Variants in PM20D2 observed in about 807,000 individuals in gnomAD.
The protein encoded by PM20D2 is xaa-Arg dipeptidase.
In PM20D2, 33 loss-of-function variants were observed where a neutral mutation model predicts 42.9. That is an observed-to-expected ratio of 0.77 (90% CI 0.58 to 1.03). The LOEUF is 1.03. Ranked by LOEUF, PM20D2 falls within the 50% of genes least tolerant of loss-of-function variation. The pLI is 0.00. For synonymous variants in PM20D2, 250 were observed against 228.2 expected, an observed-to-expected ratio of 1.10 and a Z score of -0.86; for missense variants, 548 against 557.0, an observed-to-expected ratio of 0.98 and a Z score of 0.16.
the PM20D2 span, among the ~76,000 whole-genome samples, chr6:89,094,826 T>C: frequency 3.4e-5 from 5 of 145,338 alleles, no homozygotes; most frequent in Admixed American, 3.6e-4. Context: ...ATGGGGCAAA[T>C]ATATCATTTT....
chr6:89,153,218 G>A (rs1466163389), intron 3 of PM20D2, 33 bp downstream of exon 3: 1 of 1,517,984 alleles, frequency 6.6e-7, no homozygotes, highest in African/African-American at 1.4e-5. Flanking sequence ...ATAATAGATG[G>A]TGCTTGCTAT....
At chr6:89,147,044 C>A (rs1037772355) in intron 1 of PM20D2, among the ~76,000 whole-genome samples, 2 of 152,078 alleles carry the variant, frequency 1.3e-5, no homozygotes, top group African/African-American at 2.4e-5. Flanking sequence ...CCAAATAAAT[C>A]TTTTGTTTGT....
the PM20D2 span, among the ~76,000 whole-genome samples, chr6:89,099,763 G>A: frequency 1.3e-5 from 2 of 151,982 alleles, no homozygotes; most frequent in African/African-American, 2.4e-5. Context: ...TCAATCTCCC[G>A]ACCTCAGGTT....
upstream of PM20D2, among the ~76,000 whole-genome samples, chr6:89,142,101 C>T (rs1258447098): frequency 6.6e-6 from 1 of 152,088 alleles, no homozygotes; most frequent in East Asian, 1.9e-4. Context: ...GGATTACAGG[C>T]ATGAGCCACC....
At chr6:89,107,271 A>G in the PM20D2 span, 1 of 1,601,842 alleles carries the variant, frequency 6.2e-7, no homozygotes, top group Admixed American at 1.7e-5. Context: ...GAAGTGTTTT[A>G]GAAATAAGGC....
the PM20D2 span, chr6:89,107,257 G>T: frequency 6.2e-7 from 1 of 1,610,956 alleles, no homozygotes; most frequent in Middle Eastern, 1.7e-4. Flanking sequence ...AAGTCCTCAG[G>T]CCTGAAGTGT....
upstream of PM20D2, among the ~76,000 whole-genome samples, chr6:89,141,527 A>G (rs185070309): frequency 1.6e-3 from 236 of 152,092 alleles, no homozygotes; most frequent in African/African-American, 5.3e-3. Context: ...CCCAACACCC[A>G]GCTAATTGTT....
the PM20D2 span, among the ~76,000 whole-genome samples, chr6:89,138,199 A>G: frequency 6.6e-6 from 1 of 152,024 alleles, no homozygotes; most frequent in African/African-American, 2.4e-5. Flanking sequence ...TGTTGGGAGT[A>G]CAGGCATGAG....
chr6:89,113,630 A>C, the PM20D2 span, among the ~76,000 whole-genome samples: 2 of 152,132 alleles, frequency 1.3e-5, no homozygotes, highest in Non-Finnish European at 2.9e-5. Flanking sequence ...GTTTATAAGC[A>C]TACTAAATGT....
chr6:89,119,361 C>T, the PM20D2 span, among the ~76,000 whole-genome samples: 1 of 152,122 alleles, frequency 6.6e-6, no homozygotes, highest in South Asian at 2.1e-4. Context: ...ACTTATGTTC[C>T]CTGAACAAGT....
chr6:89,100,154 T>C, the PM20D2 span, among the ~76,000 whole-genome samples: 1 of 152,160 alleles, frequency 6.6e-6, no homozygotes, highest in Non-Finnish European at 1.5e-5. Context: ...TCACTGGCCA[T>C]CTTCTAAGTT....
chr6:89,127,813 C>A, the PM20D2 span, among the ~76,000 whole-genome samples: 1 of 152,142 alleles, frequency 6.6e-6, no homozygotes, highest in Non-Finnish European at 1.5e-5. Flanking sequence ...CAGGGACCCC[C>A]AAATGGAGGG....
the PM20D2 span, among the ~76,000 whole-genome samples, chr6:89,136,465 C>G: frequency 6.6e-6 from 1 of 150,868 alleles, no homozygotes; most frequent in Non-Finnish European, 1.5e-5. Flanking sequence ...ATCACAAGGT[C>G]AGGAGATCGA....
chr6:89,158,438 T>TA lies in PM20D2; in HGVS notation c.1027dup (p.Thr343AsnfsTer16). On this transcript the variant is annotated frameshift_variant, in exon 5 of 7. Transcript: ENST00000275072. LOFTEE classifies it high-confidence loss of function. ...TAGGAATAGAGTTCATTTCAGAAGA[T>TA]ACAATGTTGAATGGCCCTTCAGGTA... The TA allele has an allele frequency of 1.2e-6, 2 of 1,609,190 alleles. No individual in the cohort carries two copies. Among genetic ancestry groups the TA allele is most frequent in the South Asian group, 2.2e-5 (2 of 90,140 alleles).
chr6:89,107,267 T>A, the PM20D2 span: 4 of 1,605,042 alleles, frequency 2.5e-6, no homozygotes, highest in East Asian at 8.9e-5. Context: ...GCCTGAAGTG[T>A]TTTAGAAATA....
intron 4 of PM20D2, among the ~76,000 whole-genome samples, chr6:89,157,587 A>G (rs573026618): frequency 2.0e-5 from 3 of 152,328 alleles, no homozygotes; most frequent in Admixed American, 2.0e-4. Flanking sequence ...TGTCAGTGTC[A>G]GTTTGCATAT....
rs763473595 is a variant in PM20D2, at chr6:89,149,378, G to C, written c.579G>C (p.Glu193Asp). 6.2e-7 allele frequency: 1 copy of C among 1,613,928 alleles called. No homozygotes were observed. The highest frequency in any genetic ancestry group is 8.5e-7 in the Non-Finnish European group (1 of 1,179,974). Residue 193 changes from glutamate (E) to aspartate (D), a missense_variant, in exon 2 of 7, where the codon GAG becomes GAC. Transcript: ENST00000275072. ...DVVFMAHPSQ[E>D]NAAYLPDMAE... ...TTTTTATGGCCCACCCATCACAAGA[G>C]AATGCTGCTTATCTACCAGATATGG...
chr6:89,132,368 G>A, the PM20D2 span, among the ~76,000 whole-genome samples: 1 of 151,496 alleles, frequency 6.6e-6, no homozygotes, highest in Non-Finnish European at 1.5e-5. Context: ...TTTTTGCCCT[G>A]GATCCAAGGA....
chr6:89,146,291 C>G lies in PM20D2; in HGVS notation c.147C>G (p.Pro49=). 6.3e-7 allele frequency: 1 copy of G among 1,581,464 alleles called. No homozygotes were observed. Among genetic ancestry groups the G allele is most frequent in the Non-Finnish European group, 8.5e-7 (1 of 1,172,118 alleles). Residue 49 remains proline (P), a synonymous_variant, in exon 1 of 7, where the codon CCC becomes CCG. Coordinates refer to ENST00000275072, the MANE Select transcript of PM20D2 (RefSeq NM_001010853.3). ...TGAGCCGCGCGATCTGGAGCCAGCCCGAGCTGGCCTACGAGGAGCACCATG... is the reference window on the plus strand; with the variant it reads ...TGAGCCGCGCGATCTGGAGCCAGCCGGAGCTGGCCTACGAGGAGCACCATG... ...GALSRAIWSQ[P]ELAYEEHHAH...
Sources: gnomAD v4.1 joint callset for allele counts (sites outside exome capture counted in the v4.1 genomes callset) on GRCh38, gnomAD v4.1.1 for gene constraint, MANE v1.5 for transcripts, NCBI Gene and HGNC (gene_info 2026-07-23, HGNC 2026-07-21) for gene names.